SLC9A2: variants seen among roughly 807,000 people sequenced by gnomAD.
The protein encoded by SLC9A2 is solute carrier family 9 member A2.
SLC9A2 carries 42 observed loss-of-function variants against 71.7 expected under a neutral mutation model. The observed-to-expected ratio is 0.59, with a 90% CI of 0.46 to 0.76. The LOEUF is 0.76. SLC9A2 is among the 30% of genes least tolerant of loss of function. The pLI, the probability that SLC9A2 is intolerant of heterozygous loss-of-function variation, is 0.00. For missense variants in SLC9A2, 829 were observed against 1,017.4 expected, an observed-to-expected ratio of 0.81 and a Z score of 2.52; for synonymous variants, 396 against 392.5, an observed-to-expected ratio of 1.01 and a Z score of -0.10.
chr2:102,708,064 T>C, intron 11 of SLC9A2, 55 bp from the exon 12 acceptor site: 2 of 1,558,400 alleles, frequency 1.3e-6, no homozygotes, highest in South Asian at 1.2e-5. Flanking sequence ...CTGAAGTTAC[T>C]TGCAATGCCT....
intron 1 of SLC9A2, among the ~76,000 whole-genome samples, chr2:102,653,897 A>T (rs998206416): frequency 6.6e-6 from 1 of 152,126 alleles, no homozygotes; most frequent in Non-Finnish European, 1.5e-5. Context: ...GGCATTTGTG[A>T]TGTTAGAGGC....
At position 102,619,774 on chromosome 2, in the gene SLC9A2, G is replaced by A. The variant is rs1450472154; in HGVS notation, c.-75G>A. On this transcript the variant is annotated 5_prime_UTR_variant, in exon 1 of 12. Transcript: ENST00000233969. The surrounding 1 kb of genome is among the most constrained non-coding windows in gnomAD (Gnocchi z 4.3). Reference sequence around the variant, plus strand: ...TGCACGGGGCAGGGCGGAGCGGGCTGAGCAGCCCGGGCGCGATGCGTTGAG... The same window carrying A: ...TGCACGGGGCAGGGCGGAGCGGGCTAAGCAGCCCGGGCGCGATGCGTTGAG... 2.7e-5 allele frequency: 37 copies of A among 1,359,118 alleles called. No individual in the cohort carries two copies. In the Admixed American group the frequency reaches 5.3e-4, roughly 19 times the overall value. The allele number at this position is 1,359,118 out of a possible 1,614,324, so 84.2% of individuals were successfully genotyped here.
Position 102,619,971 on chromosome 2 carries a change from G to A in SLC9A2, c.123G>A (p.Arg41=). ...CGGAGACCTTGCTGAACGCGCCGAG[G>A]GCCATGGGCACCAGTTCCAGCCCGC... The part of the protein sequence containing the change: ...ALAETLLNAP[R]AMGTSSSPPS... Residue 41 remains arginine, a synonymous_variant, in exon 1 of 12, where the codon AGG becomes AGA. Transcript: ENST00000233969. The surrounding 1 kb of genome is among the most constrained non-coding windows in gnomAD (Gnocchi z 4.3). 1 of 1,613,400 alleles carries A rather than the reference G, an allele frequency of 6.2e-7. No homozygotes were observed. Among genetic ancestry groups the A allele is most frequent in the Non-Finnish European group, 8.5e-7 (1 of 1,179,694 alleles).
At chr2:102,669,950 C>T (rs1399099167) in intron 3 of SLC9A2, among the ~76,000 whole-genome samples, 2 of 152,174 alleles carry the variant, frequency 1.3e-5, no homozygotes, top group African/African-American at 4.8e-5. Flanking sequence ...ACTTGGCCTC[C>T]ACAGCAGCAA....
intron 1 of SLC9A2, among the ~76,000 whole-genome samples, chr2:102,627,805 G>T (rs1676277457): frequency 1.3e-5 from 2 of 151,860 alleles, no homozygotes. Context: ...TAATTGTTTG[G>T]TTTACTTATG....
intron 1 of SLC9A2, among the ~76,000 whole-genome samples, chr2:102,644,581 C>A (rs1468514419): frequency 6.6e-6 from 1 of 152,196 alleles, no homozygotes; most frequent in Non-Finnish European, 1.5e-5. Flanking sequence ...ATTCTTGCTG[C>A]CAGCACAGGA....
At chr2:102,651,493 T>G (rs1676835276) in intron 1 of SLC9A2, among the ~76,000 whole-genome samples, 2 of 152,250 alleles carry the variant, frequency 1.3e-5, no homozygotes, top group African/African-American at 4.8e-5. Flanking sequence ...TGGAAAGTTC[T>G]TTCACTATTC....
chr2:102,672,313 G>A (rs1677268186), intron 3 of SLC9A2, among the ~76,000 whole-genome samples: 1 of 152,022 alleles, frequency 6.6e-6, no homozygotes, highest in South Asian at 2.1e-4. Context: ...GTGAATAGTA[G>A]GAAACTGCAG....
At chr2:102,680,830 G>A (rs1341948327) in intron 3 of SLC9A2, among the ~76,000 whole-genome samples, 2 of 151,872 alleles carry the variant, frequency 1.3e-5, no homozygotes, top group African/African-American at 2.4e-5. Flanking sequence ...GAGCCCTTAT[G>A]AGAGGGCGTA....
Position 102,633,279 on chromosome 2 carries a change from A to C in SLC9A2, c.289+13142A>C, listed in dbSNP as rs991265020. 2.0e-5 allele frequency among the ~76,000 whole-genome samples: 3 copies of C among 152,274 alleles called. No individual in the cohort carries two copies. In the East Asian group the frequency reaches 5.8e-4, roughly 29 times the overall value. Reference sequence around the variant, plus strand: ...TAACTTGTCCAAGGTGTCAGCTATCAAGTGGCAGAGGTGGGGCCACAGCTA... The same window carrying C: ...TAACTTGTCCAAGGTGTCAGCTATCCAGTGGCAGAGGTGGGGCCACAGCTA... On this transcript the variant is annotated intron_variant, in intron 1 of 11. Transcript: ENST00000233969.
chr2:102,690,002 G>A (rs1041919830), intron 5 of SLC9A2, among the ~76,000 whole-genome samples: 2 of 152,154 alleles, frequency 1.3e-5, no homozygotes, highest in African/African-American at 4.8e-5. Flanking sequence ...AGTGGGAGAT[G>A]TAAATTTGGG....
chr2:102,632,307 G>A (rs983332384), intron 1 of SLC9A2, among the ~76,000 whole-genome samples: 2 of 144,384 alleles, frequency 1.4e-5, no homozygotes, highest in South Asian at 2.1e-4. Context: ...TTGCCTGCAG[G>A]GGAGTACATC....
intron 3 of SLC9A2, among the ~76,000 whole-genome samples, chr2:102,675,720 G>A (rs1558716614): frequency 6.6e-6 from 1 of 152,130 alleles, no homozygotes; most frequent in East Asian, 1.9e-4. Context: ...TTGAGAGACA[G>A]GAAGGAAGAA....
At chr2:102,698,819 A>G (rs1052608361) in intron 7 of SLC9A2, among the ~76,000 whole-genome samples, 2 of 152,212 alleles carry the variant, frequency 1.3e-5, no homozygotes, top group Admixed American at 1.3e-4. Context: ...AGCAAGGAAC[A>G]TTATTGAGCA....
intron 2 of SLC9A2, among the ~76,000 whole-genome samples, chr2:102,659,222 A>G (rs1394138160): frequency 1.3e-5 from 2 of 151,054 alleles, no homozygotes; most frequent in African/African-American, 4.9e-5. Context: ...GAAGGTCAGG[A>G]GCTCGAGACA....
chr2:102,672,657 GA>G (rs1387799605), intron 3 of SLC9A2, among the ~76,000 whole-genome samples: 1 of 152,078 alleles, frequency 6.6e-6, no homozygotes, highest in Admixed American at 6.6e-5. Flanking sequence ...TTGTGAAAAT[GA>G]AAAATGTTTC....
rs140049116 is a variant in SLC9A2 at position 102,657,822 on chromosome 2, G to A, written c.548G>A (p.Gly183Asp). 6.2e-7 allele frequency: 1 copy of A among 1,614,188 alleles called. No homozygotes were observed. The highest frequency in any genetic ancestry group is 8.5e-7 in the Non-Finnish European group (1 of 1,180,044). Residue 183 changes from glycine (G) to aspartate (D), a missense_variant, in exon 2 of 12, where the codon GGC becomes GAC. Physicochemically the swap from Gly to Asp is moderately conservative, Grantham distance 94. Transcript: ENST00000233969. ...AVVGTLWNSI[G>D]IGVSLFGICQ... ...GTAGGGACACTTTGGAATTCCATTG[G>A]CATTGGGGTGTCTTTGTTTGGTATC...
chr2:102,640,868 C>A (rs183551672), intron 1 of SLC9A2, among the ~76,000 whole-genome samples: 15 of 152,292 alleles, frequency 9.8e-5, no homozygotes, highest in African/African-American at 3.4e-4. Flanking sequence ...CACCAGTCAT[C>A]TCATTAGCAT....
chr2:102,692,347 G>A (rs1677680292), intron 5 of SLC9A2, among the ~76,000 whole-genome samples: 1 of 152,188 alleles, frequency 6.6e-6, no homozygotes, highest in Non-Finnish European at 1.5e-5. Flanking sequence ...ATGTGTATGT[G>A]TGTCTCAGTC....
Sources: allele counts gnomAD v4.1 joint callset (sites outside exome capture counted in the v4.1 genomes callset), GRCh38; gene constraint gnomAD v4.1.1; non-coding constraint Gnocchi (gnomAD v3.1); transcripts MANE v1.5; gene names NCBI Gene and HGNC (gene_info 2026-07-23, HGNC 2026-07-21).